The following PPARGC1A variants were observed in gnomAD, a reference collection of about 807,000 sequenced individuals.
PPARGC1A encodes PPARG coactivator 1 alpha.
Under a neutral mutation model 88.7 loss-of-function variants are expected in PPARGC1A, and 25 were observed. That is an observed-to-expected ratio of 0.28 (90% CI 0.21 to 0.39). The LOEUF (loss-of-function observed/expected upper bound fraction) is 0.39, where lower values mean the gene tolerates loss of function less well. PPARGC1A is among the 10% of genes least tolerant of loss of function. The pLI is 1.00. For synonymous variants in PPARGC1A, 363 were observed against 355.6 expected (o/e 1.02, Z -0.24); for missense variants, 880 against 968.7 (o/e 0.91, Z 1.22).
chr4:24,405,571 G>C, the PPARGC1A span, among the ~76,000 whole-genome samples: 4 of 152,140 alleles, frequency 2.6e-5, no homozygotes, highest in Non-Finnish European at 5.9e-5. Context: ...CAGCTCCCAT[G>C]GTGCTCCACG....
the PPARGC1A span, among the ~76,000 whole-genome samples, chr4:24,427,282 AT>A: frequency 0.12 from 16,746 of 136,504 alleles, 1,261 homozygotes; most frequent in African/African-American, 0.25. Flanking sequence ...TTCTTTATTT[AT>A]TTTTTTTTTT....
chr4:24,147,498 C>G, the PPARGC1A span, among the ~76,000 whole-genome samples: 1 of 152,154 alleles, frequency 6.6e-6, no homozygotes, highest in African/African-American at 2.4e-5. Flanking sequence ...GCCCACAGCC[C>G]CTTCTGAAGA....
At chr4:24,030,013 C>T in the PPARGC1A span, among the ~76,000 whole-genome samples, 1 of 152,030 alleles carries the variant, frequency 6.6e-6, no homozygotes, top group African/African-American at 2.4e-5. Context: ...CAATCAGCCC[C>T]CATGCAGACA....
chr4:24,431,094 C>T, the PPARGC1A span, among the ~76,000 whole-genome samples: 3 of 144,706 alleles, frequency 2.1e-5, no homozygotes, highest in South Asian at 6.6e-4. Context: ...CGCTGCACTC[C>T]AGCCTGGGAG....
chr4:24,403,344 C>T, the PPARGC1A span, among the ~76,000 whole-genome samples: 1 of 152,168 alleles, frequency 6.6e-6, no homozygotes, highest in Non-Finnish European at 1.5e-5. Context: ...TTCAGTGGAA[C>T]GTTAAGCTCT....
the PPARGC1A span, among the ~76,000 whole-genome samples, chr4:24,085,043 A>G: frequency 6.6e-6 from 1 of 152,318 alleles, no homozygotes; most frequent in South Asian, 2.1e-4. Context: ...CTTGATACAT[A>G]TTTCTTTAAA....
chr4:24,393,128 C>T, the PPARGC1A span, among the ~76,000 whole-genome samples: 1 of 152,148 alleles, frequency 6.6e-6, no homozygotes, highest in South Asian at 2.1e-4. Flanking sequence ...ATTCTACAAA[C>T]TTCCTGGCAA....
chr4:23,878,812 C>T (rs1178172129), intron 2 of PPARGC1A, among the ~76,000 whole-genome samples: 1 of 152,160 alleles, frequency 6.6e-6, no homozygotes, highest in Non-Finnish European at 1.5e-5. Flanking sequence ...CTGATTTATA[C>T]CCAGAATTTG....
At chr4:23,805,197 G>A (rs1322896651) in intron 10 of PPARGC1A, among the ~76,000 whole-genome samples, 1 of 150,890 alleles carries the variant, frequency 6.6e-6, no homozygotes, top group Non-Finnish European at 1.5e-5. Flanking sequence ...CAATACAAAG[G>A]AGAAGGGAAG....
chr4:24,061,170 C>T, the PPARGC1A span, among the ~76,000 whole-genome samples: 1 of 152,150 alleles, frequency 6.6e-6, no homozygotes, highest in Non-Finnish European at 1.5e-5. Context: ...TCTTAACCAC[C>T]ATGCTAGGGT....
At chr4:24,168,927 T>G in the PPARGC1A span, among the ~76,000 whole-genome samples, 1 of 152,208 alleles carries the variant, frequency 6.6e-6, no homozygotes, top group East Asian at 1.9e-4. Context: ...ACTGCAAGTT[T>G]TTACATGAGA....
At chr4:24,394,007 C>A in the PPARGC1A span, among the ~76,000 whole-genome samples, 12 of 152,070 alleles carry the variant, frequency 7.9e-5, no homozygotes, top group Non-Finnish European at 5.9e-5. Flanking sequence ...TAAATAAAAG[C>A]CCAGTGTCAC....
At chr4:23,943,796 A>T in the PPARGC1A span, among the ~76,000 whole-genome samples, 19 of 152,342 alleles carry the variant, frequency 1.2e-4, no homozygotes, top group East Asian at 3.5e-3. Flanking sequence ...TCTTCTTGAC[A>T]TGATATGTTG....
the PPARGC1A span, among the ~76,000 whole-genome samples, chr4:24,209,843 G>A: frequency 6.6e-6 from 1 of 152,156 alleles, no homozygotes; most frequent in Non-Finnish European, 1.5e-5. Flanking sequence ...GGAGGTATAT[G>A]CTCAGAAAAG....
At chr4:24,234,047 G>A in the PPARGC1A span, among the ~76,000 whole-genome samples, 19 of 152,202 alleles carry the variant, frequency 1.2e-4, no homozygotes, top group African/African-American at 3.9e-4. Context: ...CGCCAGGGAG[G>A]AGAGATGTGC....
At chr4:24,432,423 G>C in the PPARGC1A span, among the ~76,000 whole-genome samples, 1 of 152,202 alleles carries the variant, frequency 6.6e-6, no homozygotes, top group African/African-American at 2.4e-5. Context: ...GTAGCTAACC[G>C]AGGAGAGCAG....
At chr4:24,024,834 T>C in the PPARGC1A span, among the ~76,000 whole-genome samples, 1 of 152,204 alleles carries the variant, frequency 6.6e-6, no homozygotes, top group African/African-American at 2.4e-5. Flanking sequence ...AGTTGTGTAA[T>C]ATTTATCTAA....
At chr4:23,806,766 A>G (rs1444896694) in intron 10 of PPARGC1A, among the ~76,000 whole-genome samples, 1 of 152,166 alleles carries the variant, frequency 6.6e-6, no homozygotes, top group Non-Finnish European at 1.5e-5. Context: ...ATCTTTATCA[A>G]AAAGAGTCTA....
At chr4:23,809,633 T>C (rs1720500167) in intron 10 of PPARGC1A, among the ~76,000 whole-genome samples, 1 of 152,314 alleles carries the variant, frequency 6.6e-6, no homozygotes, top group Admixed American at 6.5e-5. Context: ...TAATAATATA[T>C]TGTATTGGTC....
Sources: gnomAD v4.1 joint callset for allele counts (sites outside exome capture counted in the v4.1 genomes callset) on GRCh38, gnomAD v4.1.1 for gene constraint, MANE v1.5 for transcripts, NCBI Gene and HGNC (gene_info 2026-07-23, HGNC 2026-07-21) for gene names.